The following AKR1C8 variants were observed in gnomAD, a reference collection of about 807,000 sequenced individuals.
AKR1C8 encodes aldo-keto reductase family 1 member C-like protein 1.
chr10:5,167,867 TC>T, the AKR1C8 span, among the ~76,000 whole-genome samples: 21 of 152,248 alleles, frequency 1.4e-4, 1 homozygote, highest in East Asian at 2.5e-3. Context: ...AGACCTTCTT[TC>T]AGTTACATTT....
At chr10:5,131,977 A>G in the AKR1C8 span, among the ~76,000 whole-genome samples, 1 of 152,188 alleles carries the variant, frequency 6.6e-6, no homozygotes, top group Non-Finnish European at 1.5e-5. Context: ...AATGTGTTAT[A>G]TGTACATCAT....
chr10:5,116,756 T>C, the AKR1C8 span, among the ~76,000 whole-genome samples: 1 of 152,196 alleles, frequency 6.6e-6, no homozygotes, highest in Non-Finnish European at 1.5e-5. Flanking sequence ...CCTTCAGGGA[T>C]GTAGGACATC....
chr10:5,134,220 T>C, the AKR1C8 span, among the ~76,000 whole-genome samples: 1 of 152,158 alleles, frequency 6.6e-6, no homozygotes, highest in Non-Finnish European at 1.5e-5. Context: ...TTACCAAGGC[T>C]AAAGCTTCCA....
chr10:5,134,535 A>C, the AKR1C8 span, among the ~76,000 whole-genome samples: 37,874 of 152,016 alleles, frequency 0.25, 4,877 homozygotes, highest in Middle Eastern at 0.36. Flanking sequence ...CAAAAATCTA[A>C]AATTTCTCCT....
the AKR1C8 span, chr10:5,160,911 AAAG>A: frequency 2.1e-6 from 1 of 471,022 alleles, no homozygotes; most frequent in Non-Finnish European, 4.4e-6. Flanking sequence ...AAAAGAAGAT[AAAG>A]AAGGACATTT....
the AKR1C8 span, among the ~76,000 whole-genome samples, chr10:5,170,428 GC>G: frequency 6.6e-6 from 1 of 152,032 alleles, no homozygotes; most frequent in African/African-American, 2.4e-5. Context: ...TGTATACAGT[GC>G]AGCAAGAATA....
At chr10:5,141,096 TC>T in the AKR1C8 span, among the ~76,000 whole-genome samples, 1 of 152,170 alleles carries the variant, frequency 6.6e-6, no homozygotes, top group Non-Finnish European at 1.5e-5. Context: ...TTATCAACTA[TC>T]TTTTCATAAT....
At chr10:5,141,728 T>C in the AKR1C8 span, among the ~76,000 whole-genome samples, 1 of 152,182 alleles carries the variant, frequency 6.6e-6, no homozygotes, top group Non-Finnish European at 1.5e-5. Context: ...GGAATCTCTA[T>C]TTTTGAGCAG....
At chr10:5,142,221 G>A in the AKR1C8 span, among the ~76,000 whole-genome samples, 6 of 152,110 alleles carry the variant, frequency 3.9e-5, no homozygotes, top group Admixed American at 6.6e-5. Context: ...TACACTTGAA[G>A]AGAGTTAAGG....
At chr10:5,166,616 A>T in the AKR1C8 span, among the ~76,000 whole-genome samples, 1 of 152,210 alleles carries the variant, frequency 6.6e-6, no homozygotes, top group Non-Finnish European at 1.5e-5. Flanking sequence ...TCCCTTCCTT[A>T]CACCTTATAC....
At chr10:5,124,176 T>A in the AKR1C8 span, among the ~76,000 whole-genome samples, 2 of 152,266 alleles carry the variant, frequency 1.3e-5, no homozygotes, top group African/African-American at 2.4e-5. Flanking sequence ...CTTCAAAGAC[T>A]CATGAGGCCA....
At chr10:5,166,208 C>T in the AKR1C8 span, among the ~76,000 whole-genome samples, 1 of 151,978 alleles carries the variant, frequency 6.6e-6, no homozygotes, top group Non-Finnish European at 1.5e-5. Flanking sequence ...AATGGCCATA[C>T]TGCCCAAGGT....
At chr10:5,183,075 TATTA>T in the AKR1C8 span, among the ~76,000 whole-genome samples, 1 of 152,210 alleles carries the variant, frequency 6.6e-6, no homozygotes, top group Non-Finnish European at 1.5e-5. Context: ...ATACATTTGT[TATTA>T]AATTCTAGTC....
chr10:5,117,057 T>C, the AKR1C8 span, among the ~76,000 whole-genome samples: 2 of 152,092 alleles, frequency 1.3e-5, no homozygotes, highest in Non-Finnish European at 2.9e-5. Flanking sequence ...CATTTTTACA[T>C]TGAAAATAAG....
the AKR1C8 span, among the ~76,000 whole-genome samples, chr10:5,183,683 G>A: frequency 3.3e-5 from 5 of 151,820 alleles, no homozygotes; most frequent in African/African-American, 4.8e-5. Flanking sequence ...ACTCCTGAGG[G>A]TAAAAATGAG....
At chr10:5,163,214 G>C in the AKR1C8 span, among the ~76,000 whole-genome samples, 1 of 152,134 alleles carries the variant, frequency 6.6e-6, no homozygotes, top group Non-Finnish European at 1.5e-5. Flanking sequence ...AAATGAATTA[G>C]AGAAATTGGC....
At chr10:5,180,770 G>A in the AKR1C8 span, among the ~76,000 whole-genome samples, 1 of 152,194 alleles carries the variant, frequency 6.6e-6, no homozygotes, top group Non-Finnish European at 1.5e-5. Flanking sequence ...TAGACTCCGT[G>A]GACATAGGAC....
the AKR1C8 span, among the ~76,000 whole-genome samples, chr10:5,125,285 A>T: frequency 1.3e-5 from 2 of 152,180 alleles, no homozygotes; most frequent in African/African-American, 2.4e-5. Context: ...CAGATGGGGT[A>T]TTAAATAATC....
At chr10:5,127,981 T>C in the AKR1C8 span, among the ~76,000 whole-genome samples, 2 of 152,010 alleles carry the variant, frequency 1.3e-5, no homozygotes, top group African/African-American at 4.8e-5. Context: ...CACATAGTCA[T>C]GAGTCTATCT....
Sources: gnomAD v4.1 joint callset for allele counts (sites outside exome capture counted in the v4.1 genomes callset) on GRCh38, gnomAD v4.1.1 for gene constraint, MANE v1.5 for transcripts, NCBI Gene and HGNC (gene_info 2026-07-23, HGNC 2026-07-21) for gene names.